BPIFB4: variants seen among roughly 807,000 people sequenced by gnomAD.
BPIFB4 encodes BPI fold-containing family B member 4.
Under a neutral mutation model 69.2 loss-of-function variants are expected in BPIFB4, and 62 were observed. The ratio of observed to expected loss-of-function variants is 0.90; its 90% confidence interval spans 0.73 to 1.11. BPIFB4 has a LOEUF of 1.11. Ranked by LOEUF, BPIFB4 falls within the 50% of genes least tolerant of loss-of-function variation. The probability of loss-of-function intolerance (pLI) is 0.00; values close to 1 mark genes in which losing one functional copy is unlikely to be tolerated. For synonymous variants in BPIFB4, 330 were observed against 332.7 expected (o/e 0.99, Z 0.09); for missense variants, 789 against 792.0 (o/e 1.00, Z 0.04).
intron 16 of BPIFB4, among the ~76,000 whole-genome samples, chr20:33,107,134 G>C (rs1045480507): frequency 2.7e-4 from 41 of 152,030 alleles, no homozygotes; most frequent in African/African-American, 9.9e-4. Context: ...AACCCAGGAG[G>C]TGGATGTTGC....
intron 13 of BPIFB4, among the ~76,000 whole-genome samples, chr20:33,098,325 T>C (rs1449003438): frequency 6.6e-6 from 1 of 152,206 alleles, no homozygotes; most frequent in Non-Finnish European, 1.5e-5. Flanking sequence ...TTATGCTTTC[T>C]ACTTGACACT....
intron 7 of BPIFB4, among the ~76,000 whole-genome samples, chr20:33,087,717 A>AACACACACAC (rs1555882746): frequency 1.7e-5 from 1 of 59,434 alleles, no homozygotes; most frequent in African/African-American, 6.1e-5. Context: ...CTATCCCCTC[A>AACACACACAC]ACACACACAC....
intron 12 of BPIFB4, among the ~76,000 whole-genome samples, chr20:33,096,903 TA>T (rs1284543348): frequency 6.6e-6 from 1 of 152,264 alleles, no homozygotes; most frequent in Non-Finnish European, 1.5e-5. Context: ...GTATATTCCT[TA>T]AAGTATGTAT....
At chr20:33,089,746 G>T (rs1460841610) in intron 9 of BPIFB4, among the ~76,000 whole-genome samples, 188 bp downstream of exon 9, 1 of 151,826 alleles carries the variant, frequency 6.6e-6, no homozygotes, top group East Asian at 1.9e-4. Context: ...CCGAGTACCA[G>T]AGGGAGGAGC....
chr20:33,088,289 G>A (rs755237955), intron 7 of BPIFB4, among the ~76,000 whole-genome samples: 9 of 150,840 alleles, frequency 6.0e-5, no homozygotes, highest in South Asian at 2.1e-4. Context: ...TGCAGTGAGC[G>A]GAGATTTTAC....
intron 9 of BPIFB4, among the ~76,000 whole-genome samples, chr20:33,090,310 G>A (rs1981560817): frequency 6.6e-6 from 1 of 152,186 alleles, no homozygotes; most frequent in Non-Finnish European, 1.5e-5. Context: ...AAAAGCTGGG[G>A]CTGTTCATTA....
At chr20:33,108,894 C>T (rs1982153138) in intron 17 of BPIFB4, among the ~76,000 whole-genome samples, 1 of 152,180 alleles carries the variant, frequency 6.6e-6, no homozygotes, top group South Asian at 2.1e-4. Flanking sequence ...TGAATGGGGC[C>T]TTTGTGCCAG....
At chr20:33,102,896 C>A (rs1416995846) in intron 14 of BPIFB4, 76 bp from the exon 15 acceptor site, 1 of 1,452,476 alleles carries the variant, frequency 6.9e-7, no homozygotes, top group Non-Finnish European at 9.7e-7. Flanking sequence ...GGGCTTCTCA[C>A]AATTTGTTGC....
intron 10 of BPIFB4, among the ~76,000 whole-genome samples, chr20:33,092,045 G>A (rs1474417330): frequency 6.6e-6 from 1 of 152,188 alleles, no homozygotes; most frequent in Non-Finnish European, 1.5e-5. Context: ...AAAGGCCCTG[G>A]TGGCTGTGTA....
chr20:33,081,383 T>C, intron 2 of BPIFB4, 129 bp from the exon 3 acceptor site: 1 of 1,436,936 alleles, frequency 7.0e-7, no homozygotes, highest in Non-Finnish European at 9.1e-7. Flanking sequence ...GTATGTGACC[T>C]TGGCTGGTTT....
chr20:33,083,789 G>C lies in BPIFB4; in HGVS notation c.592G>C (p.Gly198Arg). The change falls in exon 5 of 18, where the codon GGT becomes CGT. Residue 198 changes from glycine (G) to arginine (R), a missense_variant. Transcript: ENST00000375483. ...CCTGCTCGGCGGAGGTGGTCTCCTT[G>C]GTGATGGAGGACTTCTTGGAGGAGG... ...GGLLGGGGLLGDGGLLGGGGV... is the reference protein window; with the variant it reads ...GGLLGGGGLLRDGGLLGGGGV... 6.2e-7 allele frequency: 1 copy of C among 1,613,732 alleles called. No individual in the cohort carries two copies. Among genetic ancestry groups the C allele is most frequent in the Admixed American group, 1.7e-5 (1 of 60,012 alleles).
chr20:33,107,257 G>T (rs77328958), intron 16 of BPIFB4, among the ~76,000 whole-genome samples: 1 of 142,920 alleles, frequency 7.0e-6, no homozygotes, highest in Non-Finnish European at 1.5e-5. Flanking sequence ...GAAAAGAAAA[G>T]AAGAGAAAAG....
At chr20:33,099,191 G>C (rs1981839120) in intron 13 of BPIFB4, among the ~76,000 whole-genome samples, 1 of 152,164 alleles carries the variant, frequency 6.6e-6, no homozygotes. Flanking sequence ...CCCATCTGCT[G>C]TCTTCCTGCT....
intron 9 of BPIFB4, 90 bp downstream of exon 9, chr20:33,089,648 A>G (rs1163033807): frequency 3.1e-6 from 5 of 1,599,856 alleles, no homozygotes; most frequent in Non-Finnish European, 4.3e-6. Context: ...GGGGCCACAG[A>G]CCTGCCCTTA....
intron 5 of BPIFB4, 64 bp downstream of exon 5, chr20:33,083,938 C>G: frequency 2.6e-6 from 4 of 1,509,860 alleles, no homozygotes; most frequent in Non-Finnish European, 3.5e-6. Context: ...GTGATCACTC[C>G]CTGAAGCTGG....
Position 33,086,178 on chromosome 20 carries a change from G to C in BPIFB4, c.926+14G>C. On this transcript the variant is annotated intron_variant, in intron 7 of 17. Transcript: ENST00000375483. ...GCTGCTGCGAGGGTGAGTGCTAGCC[G>C]GCAGTGGAGTGCCTTGGGGGTTGCT... 6 of 1,598,254 alleles carry C rather than the reference G, an allele frequency of 3.8e-6. No individual in the cohort carries two copies. In the South Asian group the frequency reaches 4.4e-5, roughly 12 times the overall value.
rs113085566 is a variant in BPIFB4, at chr20:33,086,313, T to G, written c.926+149T>G. On this transcript the variant is annotated intron_variant, in intron 7 of 17. Coordinates refer to ENST00000375483, the MANE Select transcript of BPIFB4 (RefSeq NM_182519.3). Reference sequence around the variant, plus strand: ...TGGTGAGTACTCATGCTGAGCCAGCTGTACTCTCACCTCTGTCCCTGACCT... The same window carrying G: ...TGGTGAGTACTCATGCTGAGCCAGCGGTACTCTCACCTCTGTCCCTGACCT... 751 of 1,084,944 alleles carry G rather than the reference T, an allele frequency of 6.9e-4. 16 individuals are homozygous for G. In the African/African-American group the frequency reaches 0.01, roughly 15 times the overall value. The allele number at this position is 1,084,944 out of a possible 1,614,324, so 67.2% of individuals were successfully genotyped here. A position where few individuals can be genotyped will look rare whatever the true frequency, so the allele number is the denominator to read the frequency against.
At chr20:33,111,084 G>A (rs1982225104) in intron 17 of BPIFB4, among the ~76,000 whole-genome samples, 1 of 151,960 alleles carries the variant, frequency 6.6e-6, no homozygotes, top group Non-Finnish European at 1.5e-5. Flanking sequence ...CCAAAGTGTT[G>A]GGATTACAGG....
chr20:33,090,676 G>A (rs1439751067), intron 9 of BPIFB4, 32 bp from the exon 10 acceptor site: 2 of 1,611,906 alleles, frequency 1.2e-6, no homozygotes, highest in Non-Finnish European at 1.7e-6. Context: ...ATGGTGAGGG[G>A]ACCTCCCTGT....
Sources: allele counts gnomAD v4.1 joint callset (sites outside exome capture counted in the v4.1 genomes callset), GRCh38; gene constraint gnomAD v4.1.1; transcripts MANE v1.5; gene names NCBI Gene and HGNC (gene_info 2026-07-23, HGNC 2026-07-21).